Variants in ACBD3 observed in about 807,000 individuals in gnomAD.
ACBD3 encodes the protein acyl-CoA binding domain containing 3.
ACBD3 carries 30 observed loss-of-function variants against 66.9 expected under a neutral mutation model. That is an observed-to-expected ratio of 0.45 (90% CI 0.34 to 0.61). The LOEUF (loss-of-function observed/expected upper bound fraction) is 0.61. Among genes scored for constraint, ACBD3 ranks in the 20% least tolerant of loss-of-function variants. ACBD3 has a pLI of 0.02. For missense variants in ACBD3, 544 were observed against 664.5 expected, an observed-to-expected ratio of 0.82 and a Z score of 1.99; for synonymous variants, 278 against 259.8, an observed-to-expected ratio of 1.07 and a Z score of -0.68.
At position 226,152,328 on chromosome 1, in the gene ACBD3, G is replaced by GTTC. The variant is rs1659591460; in HGVS notation, c.1375+4_1375+6dup. On this transcript the variant is annotated splice_region_variant and intron_variant, in intron 7 of 7. Transcript: ENST00000366812. ...AGCAGCTACTGAATATGGACCAAGG[G>GTTC]TTCTACCTTCTTCCTCCTCGTCGTC... The GTTC allele has an allele frequency of 6.2e-7, 1 of 1,613,270 alleles. No individual in the cohort carries two copies. Among genetic ancestry groups the GTTC allele is most frequent in the African/African-American group, 1.3e-5 (1 of 74,882 alleles).
At chr1:226,153,529 C>T (rs894295935) in intron 6 of ACBD3, among the ~76,000 whole-genome samples, 4 of 152,182 alleles carry the variant, frequency 2.6e-5, no homozygotes, top group Non-Finnish European at 5.9e-5. Flanking sequence ...CTAGGTCACA[C>T]TTCCCTGTTT....
chr1:226,155,662 T>C (rs1659658187), intron 5 of ACBD3, among the ~76,000 whole-genome samples: 2 of 152,040 alleles, frequency 1.3e-5, no homozygotes, highest in South Asian at 2.1e-4. Context: ...AAATCAAATA[T>C]GGACAATTTA....
chr1:226,160,529 C>CA (rs1249780638), intron 4 of ACBD3, among the ~76,000 whole-genome samples: 1 of 152,124 alleles, frequency 6.6e-6, no homozygotes, highest in Admixed American at 6.5e-5. Context: ...CAACCTCCCC[C>CA]AAAAAAGAGC....
intron 5 of ACBD3, among the ~76,000 whole-genome samples, chr1:226,156,299 C>T (rs747409112): frequency 1.3e-5 from 2 of 152,092 alleles, no homozygotes; most frequent in Non-Finnish European, 2.9e-5. Context: ...GTCTGGCTAC[C>T]TTCACTCAAC....
At chr1:226,151,877 C>T (rs1053837373) in intron 7 of ACBD3, among the ~76,000 whole-genome samples, 2 of 151,894 alleles carry the variant, frequency 1.3e-5, no homozygotes, top group African/African-American at 2.4e-5. Flanking sequence ...CACAGTGGTG[C>T]GTGCCTGTAA....
intron 1 of ACBD3, among the ~76,000 whole-genome samples, chr1:226,174,767 A>C (rs1419019295): frequency 6.6e-6 from 1 of 151,908 alleles, no homozygotes; most frequent in East Asian, 1.9e-4. Context: ...CTCCGTCTCA[A>C]AAACAAACAA....
At chr1:226,179,216 C>T (rs1418548371) in intron 1 of ACBD3, among the ~76,000 whole-genome samples, 1 of 151,932 alleles carries the variant, frequency 6.6e-6, no homozygotes, top group Non-Finnish European at 1.5e-5. Flanking sequence ...GAAATGTGTC[C>T]CAAAATCTTT....
rs751018413 is a variant in ACBD3, at chr1:226,186,680, G to T, written c.-5C>A. 6.7e-7 allele frequency: 1 copy of T among 1,494,588 alleles called. No individual in the cohort carries two copies. Among genetic ancestry groups the T allele is most frequent in the Non-Finnish European group, 8.9e-7 (1 of 1,127,240 alleles). 92.6% of individuals were successfully genotyped at this position (1,494,588 alleles called of 1,614,324 possible). On this transcript the variant is annotated 5_prime_UTR_variant, in exon 1 of 8. Transcript: ENST00000366812. The stretch of plus-strand genomic sequence containing the variant: ...TGCGTTCAGCACCGCCGCCATCTCC[G>T]GCTGCTGCACCTCCTCAGCGGGGAC...
Position 226,154,689 on chromosome 1 carries a change from C to A in ACBD3, c.1048G>T (p.Glu350Ter). Residue 350 changes from glutamate (E) to a stop codon, truncating the protein, a stop_gained, in exon 6 of 8, where the codon GAA (glutamate) becomes TAA (stop). Coordinates refer to ENST00000366812, the MANE Select transcript of ACBD3 (RefSeq NM_022735.4). LOFTEE classifies it high-confidence loss of function. ...AGGGCTTCTTCTGCAGCTTCTGGTT[C>A]CAGTTCTTTTTCGGAGCTGTCAGTG... is the stretch of plus-strand genomic sequence containing the variant. The part of the protein sequence containing the change: ...THTDSSEKEL[E>*]PEAAEEALEN... The A allele has an allele frequency of 1.2e-6, 2 of 1,613,446 alleles. No homozygotes were observed. Among genetic ancestry groups the A allele is most frequent in the Non-Finnish European group, 1.7e-6 (2 of 1,179,622 alleles).
intron 1 of ACBD3, among the ~76,000 whole-genome samples, chr1:226,181,017 A>G (rs966872571): frequency 8.6e-5 from 13 of 151,070 alleles, no homozygotes; most frequent in African/African-American, 3.2e-4. Flanking sequence ...AAAAAAAAAC[A>G]ATGACAACAA....
chr1:226,164,646 A>G, intron 3 of ACBD3, 143 bp downstream of exon 3: 1 of 941,552 alleles, frequency 1.1e-6, no homozygotes, highest in Non-Finnish European at 1.5e-6. Context: ...TCACATCAGG[A>G]AGTTTGAACA....
intron 3 of ACBD3, among the ~76,000 whole-genome samples, chr1:226,163,359 T>C (rs935937846): frequency 2.0e-5 from 3 of 152,154 alleles, no homozygotes; most frequent in African/African-American, 7.2e-5. Context: ...TAAAAAGCAA[T>C]ATATAGATAC....
At position 226,152,499 on chromosome 1, in the gene ACBD3, G is replaced by C. The variant is rs1259283108; in HGVS notation, c.1211C>G (p.Thr404Ser). 1 of 1,614,154 alleles carries C rather than the reference G, an allele frequency of 6.2e-7. No homozygotes were observed. Among genetic ancestry groups the C allele is most frequent in the Non-Finnish European group, 8.5e-7 (1 of 1,180,024 alleles). Residue 404 changes from threonine (T) to serine (S), a missense_variant, in exon 7 of 8, where the codon ACT becomes AGT. This residue lies in a region of ACBD3 where 383 missense variants were observed against 462.4 expected (regional missense o/e 0.83). Transcript: ENST00000366812. Reference protein sequence around the residue: ...VITVGRGEVVTVRVPTHEEGS... With the variant: ...VITVGRGEVVSVRVPTHEEGS... ...TTCTTCATGGGTGGGTACTCGAACAGTGACCACTTCTCCTCGGCCCACTGT... is the reference window on the plus strand; with the variant it reads ...TTCTTCATGGGTGGGTACTCGAACACTGACCACTTCTCCTCGGCCCACTGT...
At position 226,161,661 on chromosome 1, in the gene ACBD3, C is replaced by T; in HGVS notation, c.598G>A (p.Glu200Lys). The change falls in exon 4 of 8, where the codon GAA (glutamate) becomes AAA (lysine). Residue 200 changes from glutamate to lysine, a missense_variant. Glu to Lys is a moderately conservative substitution (Grantham distance 56). This residue lies in a region of ACBD3 where 383 missense variants were observed against 462.4 expected (regional missense o/e 0.83). Coordinates refer to ENST00000366812, the MANE Select transcript of ACBD3 (RefSeq NM_022735.4). ...TGCAGACGTTCTCTTTCTTCCTCTT[C>T]ACGCCGCCTTCGCTCCTCTTCCTCC... The part of the protein sequence containing the change: ...RKEEEERRRR[E>K]EEERERLQKE... The T allele has an allele frequency of 6.2e-7, 1 of 1,607,640 alleles. No homozygotes were observed. The highest frequency in any genetic ancestry group is 8.5e-7 in the Non-Finnish European group (1 of 1,176,756).
chr1:226,149,077 C>T (rs1466370638), intron 7 of ACBD3, among the ~76,000 whole-genome samples: 1 of 152,140 alleles, frequency 6.6e-6, no homozygotes, highest in East Asian at 1.9e-4. Flanking sequence ...TAGTGATCTT[C>T]CCAACACCAA....
chr1:226,161,551 C>G lies in ACBD3; in HGVS notation c.708G>C (p.Arg236Ser), dbSNP rs149848847. 6.2e-7 allele frequency: 1 copy of G among 1,613,774 alleles called. No homozygotes were observed. The highest frequency in any genetic ancestry group is 1.3e-5 in the African/African-American group (1 of 74,976). ...CTTACTTTTGCTGCTCCAACCGAAG[C>G]CTTTCTTCTTCTATCCGTCTCCTTT... ...EEERRRIEEE[R>S]LRLEQQKQQI... Residue 236 changes from arginine (R) to serine (S), a missense_variant, in exon 4 of 8, where the codon AGG (arginine) becomes AGC (serine). Arg to Ser is a moderately radical substitution (Grantham distance 110, BLOSUM62 -1). Transcript: ENST00000366812.
chr1:226,157,077 A>G (rs558140673), intron 5 of ACBD3, among the ~76,000 whole-genome samples: 1 of 152,330 alleles, frequency 6.6e-6, no homozygotes, highest in East Asian at 1.9e-4. Flanking sequence ...ATGTATCTAC[A>G]CCCCAAAATT....
At chr1:226,177,401 T>C (rs1336194477) in intron 1 of ACBD3, among the ~76,000 whole-genome samples, 1 of 151,100 alleles carries the variant, frequency 6.6e-6, no homozygotes, top group Non-Finnish European at 1.5e-5. Flanking sequence ...TTCACCGCAT[T>C]AGCCAGGATG....
In ACBD3 at chr1:226,161,613, T is replaced by G; in HGVS notation, c.646A>C (p.Arg216=). 2 of 1,614,018 alleles carry G rather than the reference T, an allele frequency of 1.2e-6. No individual in the cohort carries two copies. Among genetic ancestry groups the G allele is most frequent in the Non-Finnish European group, 1.7e-6 (2 of 1,179,946 alleles). The change falls in exon 4 of 8, where the codon AGA becomes CGA. Residue 216 remains arginine, a synonymous_variant. Transcript: ENST00000366812. The stretch of plus-strand genomic sequence containing the variant: ...CGTCGAAGCCTTTCCTCTTCTTCTC[T>G]CCTACGTTTCTCTTCCTCCTTTTGC... ...RLQKEEEKRR[R]EEEERLRREE...
Sources: gnomAD v4.1 joint callset for allele counts (sites outside exome capture counted in the v4.1 genomes callset) on GRCh38, gnomAD v4.1.1 for gene constraint, gnomAD v4.1.1 regional missense constraint, MANE v1.5 for transcripts, NCBI Gene and HGNC (gene_info 2026-07-23, HGNC 2026-07-21) for gene names.